Variants in MAN2B2 observed in about 807,000 individuals in gnomAD.
The protein encoded by MAN2B2 is mannosidase alpha class 2B member 2.
Under a neutral mutation model 117.1 loss-of-function variants are expected in MAN2B2, and 106 were observed. That is an observed-to-expected ratio of 0.90 (90% CI 0.77 to 1.06). The LOEUF (loss-of-function observed/expected upper bound fraction) is 1.06, where lower values mean the gene tolerates loss of function less well. Ranked by LOEUF, MAN2B2 falls within the 50% of genes least tolerant of loss-of-function variation. The pLI, the probability that MAN2B2 is intolerant of heterozygous loss-of-function variation, is 0.00. For missense variants in MAN2B2, 1,326 were observed against 1,381.4 expected (o/e 0.96, Z 0.64); for synonymous variants, 544 against 595.1 (o/e 0.91, Z 1.25).
intron 10 of MAN2B2, among the ~76,000 whole-genome samples, chr4:6,604,392 G>C (rs1015439298): frequency 1.3e-5 from 2 of 151,804 alleles, no homozygotes; most frequent in African/African-American, 4.8e-5. Context: ...AGAGGCCACA[G>C]GGAAGGGAGA....
chr4:6,588,578 G>T lies in MAN2B2; in HGVS notation c.565-467G>T, dbSNP rs557027950. ...AAAAATACAAAAATTAGCCGGGCGT[G>T]GTAGCAAGTGGCTGAAATCCCAGCT... On this transcript the variant is annotated intron_variant, in intron 4 of 18. Coordinates refer to ENST00000285599, the MANE Select transcript of MAN2B2 (RefSeq NM_015274.3). Among the ~76,000 whole-genome samples the T allele has an allele frequency of 2.3e-4, 35 of 152,240 alleles. No homozygotes were observed. The South Asian group carries it at 6.6e-3, about 29-fold the overall frequency.
intron 18 of MAN2B2, chr4:6,620,554 G>GA: frequency 5.7e-6 from 1 of 174,022 alleles, no homozygotes; most frequent in Non-Finnish European, 1.2e-5. Context: ...ACCAGGCCAA[G>GA]TGCCTCCTCC....
chr4:6,601,625 C>T (rs1294136570), intron 10 of MAN2B2, among the ~76,000 whole-genome samples: 1 of 152,212 alleles, frequency 6.6e-6, no homozygotes, highest in Non-Finnish European at 1.5e-5. Flanking sequence ...GGAGCAGCCC[C>T]ATCCTGAAGC....
At chr4:6,615,640 A>C (rs990165301) in intron 16 of MAN2B2, among the ~76,000 whole-genome samples, 2 of 151,982 alleles carry the variant, frequency 1.3e-5, no homozygotes, top group Middle Eastern at 3.2e-3. Context: ...CTACAAAAAA[A>C]AATTAAAAAA....
Position 6,593,255 on chromosome 4 carries a change from AC to A in MAN2B2, c.767del (p.Pro256GlnfsTer15). 6.2e-7 allele frequency: 1 copy of A among 1,613,826 alleles called. No individual in the cohort carries two copies. Among genetic ancestry groups the A allele is most frequent in the South Asian group, 1.1e-5 (1 of 91,050 alleles). Reference sequence around the variant, plus strand: ...GTACCCCAACATGAGTGAGCCTGTCACCCCAGCCAACATCAACCTCTATGCC... The same window carrying A: ...GTACCCCAACATGAGTGAGCCTGTCACCCAGCCAACATCAACCTCTATGCC... ...GVYPNMSEPV[T>X]PANINLYAEA... On this transcript the variant is annotated frameshift_variant, in exon 6 of 19. Coordinates refer to ENST00000285599, the MANE Select transcript of MAN2B2 (RefSeq NM_015274.3). LOFTEE classifies it high-confidence loss of function.
rs1375897293 is a variant in MAN2B2, at chr4:6,611,738, G to A, written c.2563+460G>A. Among the ~76,000 whole-genome samples the A allele has an allele frequency of 2.0e-5, 3 of 152,202 alleles. No individual in the cohort carries two copies. In the East Asian group the frequency reaches 5.8e-4, roughly 29 times the overall value. On this transcript the variant is annotated intron_variant, in intron 15 of 18. Coordinates refer to ENST00000285599, the MANE Select transcript of MAN2B2 (RefSeq NM_015274.3). ...GAACCCGGGAGGCAGAGGTTGCAGG[G>A]AGCTGAGATTGCACCGTTGCACCCC...
intron 4 of MAN2B2, 84 bp downstream of exon 4, chr4:6,587,252 C>T: frequency 6.6e-7 from 1 of 1,505,746 alleles, no homozygotes; most frequent in Non-Finnish European, 9.0e-7. Context: ...AAAGCTGCTG[C>T]TCTATGCCGA....
At chr4:6,591,343 C>T (rs933912307) in intron 5 of MAN2B2, among the ~76,000 whole-genome samples, 14 of 152,248 alleles carry the variant, frequency 9.2e-5, no homozygotes, top group African/African-American at 3.1e-4. Flanking sequence ...GCACAGGTGA[C>T]GTCCATAGCA....
chr4:6,603,277 C>T (rs4580719), intron 10 of MAN2B2, among the ~76,000 whole-genome samples: 74,375 of 151,582 alleles, frequency 0.49, 18,417 homozygotes, highest in East Asian at 0.63. Context: ...CTTGGGGAGG[C>T]GGAGGAGGGG....
rs527662488 is a variant in MAN2B2 at position 6,583,243 on chromosome 4, A to G, written c.392-3753A>G. ...CACTCCTCACATTTCCATTGGCCAG[A>G]ACTTAATCATATGGCCTCCCTCAAC... On this transcript the variant is annotated intron_variant, in intron 3 of 18. Coordinates refer to ENST00000285599, the MANE Select transcript of MAN2B2 (RefSeq NM_015274.3). Among the ~76,000 whole-genome samples, 13 of 152,332 alleles carry G rather than the reference A, an allele frequency of 8.5e-5. No individual in the cohort carries two copies. In the South Asian group the frequency reaches 2.7e-3, roughly 32 times the overall value.
At chr4:6,579,573 TACCATCACC>T (rs753896310) in intron 3 of MAN2B2, among the ~76,000 whole-genome samples, 69 of 139,350 alleles carry the variant, frequency 5.0e-4, no homozygotes, top group Non-Finnish European at 7.8e-4. Context: ...TTACTACCAC[TACCATCACC>T]ACCATCACCA....
intron 11 of MAN2B2, among the ~76,000 whole-genome samples, chr4:6,607,129 T>C (rs6446514): frequency 0.59 from 90,458 of 152,070 alleles, 27,076 homozygotes; most frequent in Admixed American, 0.67. Flanking sequence ...TCTGTCTATA[T>C]GGATTTACCT....
chr4:6,603,760 GGGGGACA>G (rs1727424780), intron 10 of MAN2B2, among the ~76,000 whole-genome samples: 1 of 152,074 alleles, frequency 6.6e-6, no homozygotes, highest in Admixed American at 6.5e-5. Flanking sequence ...ACCACCGTGA[GGGGGACA>G]GTCACTACAG....
At chr4:6,607,535 A>G (rs530702322) in intron 11 of MAN2B2, among the ~76,000 whole-genome samples, 58 of 152,364 alleles carry the variant, frequency 3.8e-4, no homozygotes, top group African/African-American at 1.3e-3. Context: ...TTCAAGGTTC[A>G]TCAGTATCGT....
intron 16 of MAN2B2, among the ~76,000 whole-genome samples, chr4:6,615,411 G>A (rs1476796165): frequency 6.6e-6 from 1 of 152,114 alleles, no homozygotes; most frequent in Non-Finnish European, 1.5e-5. Context: ...AGATGTAGAA[G>A]CACTTTCACA....
At chr4:6,587,747 G>GTTTTT (rs1560641171) in intron 4 of MAN2B2, among the ~76,000 whole-genome samples, 8 of 103,106 alleles carry the variant, frequency 7.8e-5, no homozygotes, top group South Asian at 3.4e-4. Context: ...CTTTTGGGTT[G>GTTTTT]TTGTTTTTTT....
intron 10 of MAN2B2, among the ~76,000 whole-genome samples, chr4:6,604,683 G>C (rs1727466919): frequency 6.6e-6 from 1 of 152,086 alleles, no homozygotes; most frequent in African/African-American, 2.4e-5. Context: ...CAAACAAGAA[G>C]CTGTATTCGT....
intron 10 of MAN2B2, among the ~76,000 whole-genome samples, chr4:6,604,436 G>C (rs1727452368): frequency 1.3e-5 from 2 of 150,412 alleles, no homozygotes; most frequent in Admixed American, 6.6e-5. Flanking sequence ...GGGGGCCTTG[G>C]TGGTGGGTGG....
chr4:6,614,422 C>CG (rs752935390), intron 16 of MAN2B2, 67 bp downstream of exon 16: 5 of 1,569,206 alleles, frequency 3.2e-6, no homozygotes, highest in Non-Finnish European at 4.3e-6. Context: ...CCACCGGGCC[C>CG]ACCACCAGAC....
Sources: allele counts gnomAD v4.1 joint callset (sites outside exome capture counted in the v4.1 genomes callset), GRCh38; gene constraint gnomAD v4.1.1; transcripts MANE v1.5; gene names NCBI Gene and HGNC (gene_info 2026-07-23, HGNC 2026-07-21).